CARS2: variants seen among roughly 807,000 people sequenced by gnomAD.
The protein encoded by CARS2 is probable cysteine--tRNA ligase, mitochondrial.
A neutral mutation model predicts 68.8 loss-of-function variants in CARS2; 52 were observed. The observed-to-expected ratio is 0.76, with a 90% CI of 0.61 to 0.95. The LOEUF is 0.95. Ranked by LOEUF, CARS2 falls within the 40% of genes least tolerant of loss-of-function variation. The probability of loss-of-function intolerance (pLI) is 0.00; values close to 1 mark genes in which losing one functional copy is unlikely to be tolerated. For synonymous variants in CARS2, 314 were observed against 303.6 expected (o/e 1.03, Z -0.36); for missense variants, 780 against 754.2 (o/e 1.03, Z -0.40).
rs912389322 is a variant in CARS2 at position 110,705,690 on chromosome 13, G to C, written c.225-119C>G. On this transcript the variant is annotated intron_variant, in intron 1 of 14. Coordinates refer to ENST00000257347, the MANE Select transcript of CARS2 (RefSeq NM_024537.4). This position sits in a 1 kb window ranked among gnomAD's most constrained non-coding sequence, Gnocchi z 4.0. Reference sequence around the variant, plus strand: ...TCACTTCTGGGGGATGAATAGCCGGGGTTTTCATACTTGCTCAATTCACAC... The same window carrying C: ...TCACTTCTGGGGGATGAATAGCCGGCGTTTTCATACTTGCTCAATTCACAC... The C allele has an allele frequency of 6.7e-7, 1 of 1,484,536 alleles. No homozygotes were observed. The highest frequency in any genetic ancestry group is 9.2e-7 in the Non-Finnish European group (1 of 1,086,974). The allele number at this position is 1,484,536 out of a possible 1,614,324, so 92.0% of individuals were successfully genotyped here.
Position 110,706,042 on chromosome 13 carries a change from C to T in CARS2, c.52G>A (p.Ala18Thr), listed in dbSNP as rs2063945410. 2.2e-6 allele frequency: 3 copies of T among 1,368,870 alleles called. No individual in the cohort carries two copies. 84.8% of individuals were successfully genotyped at this position (1,368,870 alleles called of 1,614,324 possible). ...PGLGPPLLQA[A>T]LGLGRAGWHW... ...CACCCAGCCCGCCCAAGGCCCAGCG[C>T]GGCCTGGAGCAGCGGGGGGCCCAGG... The change falls in exon 1 of 15, where the codon GCG becomes ACG. Residue 18 changes from alanine (A) to threonine (T), a missense_variant. Coordinates refer to ENST00000257347, the MANE Select transcript of CARS2 (RefSeq NM_024537.4).
At chr13:110,642,775 GA>G (rs764348656) in intron 13 of CARS2, 1 of 725,828 alleles carries the variant, frequency 1.4e-6, no homozygotes, top group Non-Finnish European at 2.5e-6. Context: ...GGAGTTGGAA[GA>G]AAGGGCTGGG....
At chr13:110,701,935 T>A (rs992326784) in intron 2 of CARS2, among the ~76,000 whole-genome samples, 8 of 152,216 alleles carry the variant, frequency 5.3e-5, no homozygotes, top group Admixed American at 2.6e-4. Flanking sequence ...TTTTTCACTA[T>A]GACAAAACAG....
upstream of CARS2, among the ~76,000 whole-genome samples, chr13:110,711,154 C>T (rs1753690865): frequency 6.6e-6 from 1 of 152,264 alleles, no homozygotes; most frequent in Non-Finnish European, 1.5e-5. Flanking sequence ...CAACTTTGTA[C>T]TCCCTCTATA....
At chr13:110,643,528 C>T (rs1441121471) in intron 13 of CARS2, 1 of 153,500 alleles carries the variant, frequency 6.5e-6, no homozygotes, top group Non-Finnish European at 1.4e-5. Flanking sequence ...CTGCTTGGGC[C>T]CCAGTCCCAA....
At chr13:110,646,332 A>G in intron 11 of CARS2, 1 of 423,342 alleles carries the variant, frequency 2.4e-6, no homozygotes, top group Non-Finnish European at 4.2e-6. Context: ...TTAAAATACA[A>G]GACACACGTG....
intron 9 of CARS2, among the ~76,000 whole-genome samples, chr13:110,660,439 A>C (rs1227292149): frequency 6.6e-6 from 1 of 152,246 alleles, no homozygotes; most frequent in African/African-American, 2.4e-5. Flanking sequence ...CATCAGAGGA[A>C]TCACTATCTA....
chr13:110,694,121 A>G (rs1226466257), intron 3 of CARS2, among the ~76,000 whole-genome samples: 2 of 151,816 alleles, frequency 1.3e-5, no homozygotes, highest in Non-Finnish European at 2.9e-5. Flanking sequence ...TCTGCCTCCC[A>G]GGTTTAAGTG....
At chr13:110,710,035 G>A (rs2139956429), upstream of CARS2, among the ~76,000 whole-genome samples, 1 of 152,266 alleles carries the variant, frequency 6.6e-6, no homozygotes, top group East Asian at 1.9e-4. Context: ...GGGTTTTCAA[G>A]TTTAAGATGA....
chr13:110,698,050 C>A (rs931987724), intron 3 of CARS2: 2 of 438,036 alleles, frequency 4.6e-6, no homozygotes, highest in Non-Finnish European at 9.0e-6. Flanking sequence ...AGCCCAAAGG[C>A]GGCCTCTGAC....
intron 4 of CARS2, 25 bp from the exon 5 acceptor site, chr13:110,687,851 G>GT: frequency 1.9e-6 from 3 of 1,569,468 alleles, no homozygotes; most frequent in South Asian, 2.2e-5. Context: ...AGACGTGACC[G>GT]TGTTTCCCTC....
At chr13:110,659,345 G>C (rs2062446409) in intron 9 of CARS2, among the ~76,000 whole-genome samples, 2 of 152,102 alleles carry the variant, frequency 1.3e-5, no homozygotes, top group Non-Finnish European at 2.9e-5. Context: ...AGTTGTAAAA[G>C]ATGTATCCTG....
chr13:110,706,675 C>T (rs922325642), upstream of CARS2, among the ~76,000 whole-genome samples: 5 of 150,858 alleles, frequency 3.3e-5, no homozygotes, highest in African/African-American at 1.2e-4. Context: ...CCGTTAGCAT[C>T]CCAACACAGT....
In CARS2 at chr13:110,676,095, G is replaced by A. The variant is rs1395285402; in HGVS notation, c.785+879C>T. 1.3e-5 allele frequency among the ~76,000 whole-genome samples: 2 copies of A among 152,144 alleles called. No homozygotes were observed. Among genetic ancestry groups the A allele is most frequent in the African/African-American group, 4.8e-5 (2 of 41,418 alleles). ...CTTGAACCTGGGAGGCGGAGGTTGC[G>A]GTGAGCCGAGATCGCACCATTGCAC... On this transcript the variant is annotated intron_variant, in intron 7 of 14. Coordinates refer to ENST00000257347, the MANE Select transcript of CARS2 (RefSeq NM_024537.4). The surrounding 1 kb of genome is among the most constrained non-coding windows in gnomAD (Gnocchi z 4.0).
intron 7 of CARS2, among the ~76,000 whole-genome samples, chr13:110,675,371 T>C (rs924075273): frequency 3.3e-5 from 5 of 152,236 alleles, no homozygotes; most frequent in Admixed American, 1.3e-4. Flanking sequence ...TGGAATACTA[T>C]GTAGCCATAA....
At chr13:110,684,943 T>C (rs2063256697) in intron 5 of CARS2, among the ~76,000 whole-genome samples, 2 of 152,202 alleles carry the variant, frequency 1.3e-5, no homozygotes, top group African/African-American at 4.8e-5. Flanking sequence ...GTAAGTGTAT[T>C]TTGAATTAAT....
intron 9 of CARS2, among the ~76,000 whole-genome samples, chr13:110,659,884 T>C (rs959765506): frequency 3.9e-5 from 6 of 152,180 alleles, no homozygotes; most frequent in African/African-American, 1.4e-4. Context: ...AAGACAATAA[T>C]GAAGTCTGTG....
At chr13:110,646,977 G>T in intron 11 of CARS2, 124 bp downstream of exon 11, 2 of 1,224,378 alleles carry the variant, frequency 1.6e-6, no homozygotes, top group Non-Finnish European at 2.2e-6. Flanking sequence ...GGCAGTCCCT[G>T]ACCCCAAACC....
intron 8 of CARS2, chr13:110,667,078 T>G: frequency 9.9e-6 from 6 of 606,112 alleles, no homozygotes; most frequent in Non-Finnish European, 1.2e-5. Flanking sequence ...TTCTTAATAG[T>G]TTTACTTGAA....
Sources: allele counts gnomAD v4.1 joint callset (sites outside exome capture counted in the v4.1 genomes callset), GRCh38; gene constraint gnomAD v4.1.1; non-coding constraint Gnocchi (gnomAD v3.1); transcripts MANE v1.5; gene names NCBI Gene and HGNC (gene_info 2026-07-23, HGNC 2026-07-21).